The following KCND2 variants were observed in gnomAD, a reference collection of about 807,000 sequenced individuals.
KCND2 encodes the protein potassium voltage-gated channel subfamily D member 2, also known as A-type voltage-gated potassium channel KCND2.
In KCND2, 16 loss-of-function variants were observed where a neutral mutation model predicts 54.4. That is an observed-to-expected ratio of 0.29 (90% CI 0.20 to 0.45). The LOEUF (loss-of-function observed/expected upper bound fraction) is 0.45, where lower values mean the gene tolerates loss of function less well. Among genes scored for constraint, KCND2 ranks in the 20% least tolerant of loss-of-function variants. The pLI is 1.00. For synonymous variants in KCND2, 317 were observed against 310.7 expected (o/e 1.02, Z -0.21); for missense variants, 486 against 824.2 (o/e 0.59, Z 5.02).
intron 1 of KCND2, among the ~76,000 whole-genome samples, chr7:120,281,390 C>A (rs578197156): frequency 1.9e-4 from 28 of 149,122 alleles, no homozygotes; most frequent in African/African-American, 6.9e-4. Flanking sequence ...CTAGCTTCTG[C>A]AGCTAGATTT....
intron 1 of KCND2, among the ~76,000 whole-genome samples, chr7:120,633,684 T>C (rs1020294898): frequency 3.9e-5 from 6 of 152,192 alleles, no homozygotes; most frequent in African/African-American, 1.4e-4. Flanking sequence ...ATTTGCAAAC[T>C]GTGGGCCCAA....
At chr7:120,566,712 A>G (rs897413431) in intron 1 of KCND2, among the ~76,000 whole-genome samples, 10 of 151,956 alleles carry the variant, frequency 6.6e-5, no homozygotes, top group Admixed American at 2.0e-4. Context: ...AGTTAAATAA[A>G]TTGGCATGAC....
intron 1 of KCND2, among the ~76,000 whole-genome samples, chr7:120,314,211 T>C (rs1160714709): frequency 6.6e-6 from 1 of 151,950 alleles, no homozygotes; most frequent in Non-Finnish European, 1.5e-5. Flanking sequence ...ATTACTTTTG[T>C]ACAAAATGTA....
rs572313110 is a variant in KCND2 at position 120,580,258 on chromosome 7, A to G, written c.1116-152645A>G. Among the ~76,000 whole-genome samples, 57 of 152,384 alleles carry G rather than the reference A, an allele frequency of 3.7e-4. No individual in the cohort carries two copies. In the Middle Eastern group the frequency reaches 0.014, roughly 36 times the overall value. On this transcript the variant is annotated intron_variant, in intron 1 of 5. Coordinates refer to ENST00000331113, the MANE Select transcript of KCND2 (RefSeq NM_012281.3). ...AAATGGAATTTTAGTGTTTGGGAGA[A>G]CAACTCGTTATCCAACTAAGCTATT...
chr7:120,605,511 A>C (rs1247214986), intron 1 of KCND2, among the ~76,000 whole-genome samples: 1 of 152,194 alleles, frequency 6.6e-6, no homozygotes, highest in African/African-American at 2.4e-5. Flanking sequence ...TATTATGATA[A>C]ATTCTGCTTT....
chr7:120,393,758 G>A (rs1801112028), intron 1 of KCND2, among the ~76,000 whole-genome samples: 1 of 151,860 alleles, frequency 6.6e-6, no homozygotes, highest in African/African-American at 2.4e-5. Context: ...CAAGCAACAT[G>A]GTGAATAAAA....
chr7:120,488,105 CA>C (rs772036225), intron 1 of KCND2, among the ~76,000 whole-genome samples: 46 of 151,928 alleles, frequency 3.0e-4, no homozygotes, highest in Non-Finnish European at 6.5e-4. Flanking sequence ...TGAGGCAGGA[CA>C]ATCTCTTGAA....
intron 1 of KCND2, among the ~76,000 whole-genome samples, chr7:120,432,791 C>T (rs907373994): frequency 6.6e-6 from 1 of 152,166 alleles, no homozygotes; most frequent in Non-Finnish European, 1.5e-5. Context: ...TGCTTGGACA[C>T]CCCTCTCTGT....
In KCND2 at chr7:120,275,675, G is replaced by A. The variant is rs1799162789; in HGVS notation, c.1043G>A (p.Gly348Glu). 3 of 1,603,086 alleles carry A rather than the reference G, an allele frequency of 1.9e-6. No individual in the cohort carries two copies. Among genetic ancestry groups the A allele is most frequent in the Non-Finnish European group, 2.5e-6 (3 of 1,179,944 alleles). Residue 348 changes from glycine (G) to glutamate (E), a missense_variant, in exon 1 of 6, where the codon GGG (glycine) becomes GAG (glutamate). Gly to Glu is a moderately conservative substitution (Grantham distance 98). Around this residue, in one of 7 missense-constraint regions of KCND2, gnomAD observed 23 missense variants for 33.7 expected, o/e 0.68. Transcript: ENST00000331113. The part of the protein sequence containing the change: ...FATVMFYAEK[G>E]SSASKFTSIP... ...ACAGTTATGTTCTACGCAGAGAAGG[G>A]GTCTTCGGCTAGCAAGTTCACCAGC...
intron 1 of KCND2, among the ~76,000 whole-genome samples, chr7:120,384,765 G>A (rs774369643): frequency 2.6e-5 from 4 of 152,084 alleles, no homozygotes; most frequent in Non-Finnish European, 2.9e-5. Flanking sequence ...TCATATGACT[G>A]CCATTTACAT....
At chr7:120,515,177 C>T (rs1803178126) in intron 1 of KCND2, among the ~76,000 whole-genome samples, 1 of 152,004 alleles carries the variant, frequency 6.6e-6, no homozygotes, top group East Asian at 1.9e-4. Context: ...CTTCCCTATA[C>T]TTGCTCCTGC....
intron 1 of KCND2, among the ~76,000 whole-genome samples, chr7:120,553,787 A>C (rs1792129396): frequency 6.6e-6 from 1 of 152,198 alleles, no homozygotes; most frequent in African/African-American, 2.4e-5. Flanking sequence ...TATGGACTGG[A>C]ATTATATACA....
At chr7:120,599,027 T>TC (rs1792782689) in intron 1 of KCND2, among the ~76,000 whole-genome samples, 1 of 152,194 alleles carries the variant, frequency 6.6e-6, no homozygotes, top group South Asian at 2.1e-4. Flanking sequence ...AGATTGAGGA[T>TC]CACTTTTTGG....
At chr7:120,351,935 C>A (rs1011490597) in intron 1 of KCND2, among the ~76,000 whole-genome samples, 1 of 152,006 alleles carries the variant, frequency 6.6e-6, no homozygotes, top group African/African-American at 2.4e-5. Context: ...CCTCAGCCTC[C>A]CAAGTAGCTG....
At chr7:120,443,747 A>G (rs141674684) in intron 1 of KCND2, among the ~76,000 whole-genome samples, 1 of 151,622 alleles carries the variant, frequency 6.6e-6, no homozygotes, top group East Asian at 1.9e-4. Context: ...TTCTTTCTTT[A>G]GTAAGCCATT....
intron 1 of KCND2, among the ~76,000 whole-genome samples, chr7:120,576,039 G>C (rs1468815701): frequency 7.1e-6 from 1 of 141,502 alleles, no homozygotes; most frequent in African/African-American, 2.6e-5. Context: ...TGCCATTGCT[G>C]GTTTTGAGTG....
rs150735841 is a variant in KCND2 at position 120,729,322 on chromosome 7, C to T, written c.1116-3581C>T. ...ATTTTTTGCTCTTCTCCAACATATT[C>T]GAATAGTGAGATATGCTTAAAATAT... On this transcript the variant is annotated intron_variant, in intron 1 of 5. Coordinates refer to ENST00000331113, the MANE Select transcript of KCND2 (RefSeq NM_012281.3). 1.6e-4 allele frequency among the ~76,000 whole-genome samples: 25 copies of T among 152,218 alleles called. 1 individual carries two copies. In the East Asian group the frequency reaches 4.4e-3, roughly 27 times the overall value.
At chr7:120,295,004 A>T (rs1440554547) in intron 1 of KCND2, among the ~76,000 whole-genome samples, 1 of 151,592 alleles carries the variant, frequency 6.6e-6, no homozygotes, top group Admixed American at 6.6e-5. Flanking sequence ...CATTGAATAC[A>T]TTTTTTTGCT....
intron 1 of KCND2, among the ~76,000 whole-genome samples, chr7:120,319,717 A>G (rs558036695): frequency 1.0e-3 from 158 of 152,292 alleles, no homozygotes; most frequent in African/African-American, 3.6e-3. Flanking sequence ...AGCCAAGAAG[A>G]TAAGTTGTGT....
Sources: allele counts gnomAD v4.1 joint callset (sites outside exome capture counted in the v4.1 genomes callset), GRCh38; gene constraint gnomAD v4.1.1; regional missense constraint gnomAD v4.1.1; transcripts MANE v1.5; gene names NCBI Gene and HGNC (gene_info 2026-07-23, HGNC 2026-07-21).